The following IRAG1 variants were observed in gnomAD, a reference collection of about 807,000 sequenced individuals.
IRAG1 encodes the protein IP3R-associated cGMP kinase substrate.
A neutral mutation model predicts 106.2 loss-of-function variants in IRAG1; 62 were observed. The observed-to-expected ratio is 0.58, with a 90% CI of 0.48 to 0.72. IRAG1 has a LOEUF of 0.72. Among genes scored for constraint, IRAG1 ranks in the 30% least tolerant of loss-of-function variants. The probability of loss-of-function intolerance (pLI) is 0.00; values close to 1 mark genes in which losing one functional copy is unlikely to be tolerated. For missense variants in IRAG1, 1,064 were observed against 1,140.7 expected, an observed-to-expected ratio of 0.93 and a Z score of 0.97; for synonymous variants, 462 against 443.9, an observed-to-expected ratio of 1.04 and a Z score of -0.51.
chr11:10,667,917 T>TG (rs527546564), intron 1 of IRAG1, among the ~76,000 whole-genome samples: 92 of 152,344 alleles, frequency 6.0e-4, no homozygotes, highest in African/African-American at 2.0e-3. Flanking sequence ...CGTCCACAGA[T>TG]GAAGTCCAGT....
At position 10,693,546 on chromosome 11, in the gene IRAG1, G is replaced by A. The variant is rs764569810; in HGVS notation, c.57C>T (p.Asn19=). The A allele has an allele frequency of 7.8e-6, 12 of 1,535,474 alleles. No individual in the cohort carries two copies. The highest frequency in any genetic ancestry group is 5.9e-5 in the South Asian group (5 of 84,064). ...ERLARGGKEN[N]SVLACGAQAS... ...ATAGGGGAGGCTTACCTAAAACTGA[G>A]TTATTCTCCTTTCCTCCTCTGGCCA... Residue 19 remains asparagine (N), a synonymous_variant, in exon 1 of 21, where the codon AAC becomes AAT. Coordinates refer to ENST00000423302, the MANE Select transcript of IRAG1 (RefSeq NM_130385.4).
intron 2 of IRAG1, among the ~76,000 whole-genome samples, chr11:10,640,276 T>C (rs1857423546): frequency 6.6e-6 from 1 of 152,126 alleles, no homozygotes; most frequent in Non-Finnish European, 1.5e-5. Flanking sequence ...AAACAAGCCA[T>C]GGGTGGCAAG....
intron 1 of IRAG1, among the ~76,000 whole-genome samples, chr11:10,679,694 C>G (rs1340420150): frequency 6.6e-6 from 1 of 152,186 alleles, no homozygotes; most frequent in Non-Finnish European, 1.5e-5. Flanking sequence ...CCTGTGTCCA[C>G]CCAAGTAGGA....
In IRAG1 at chr11:10,628,679, T is replaced by C; in HGVS notation, c.652+72A>G. 2 of 1,265,286 alleles carry C rather than the reference T, an allele frequency of 1.6e-6. No homozygotes were observed. The highest frequency in any genetic ancestry group is 1.1e-6 in the Non-Finnish European group (1 of 933,804). 78.4% of individuals were successfully genotyped at this position (1,265,286 alleles called of 1,614,324 possible). ...GAAGCCTGCAGGCTGGGAGGCATGC[T>C]GATCTGTCCAGGCTGAGCTGCCACC... On this transcript the variant is annotated intron_variant, in intron 6 of 20. Transcript: ENST00000423302. This position sits in a 1 kb window ranked among gnomAD's most constrained non-coding sequence, Gnocchi z 4.1.
chr11:10,590,283 G>C, intron 18 of IRAG1, among the ~76,000 whole-genome samples: 1 of 152,174 alleles, frequency 6.6e-6, no homozygotes, highest in Non-Finnish European at 1.5e-5. Flanking sequence ...AAAAGACAGA[G>C]AGAGAGACCC....
intron 1 of IRAG1, among the ~76,000 whole-genome samples, chr11:10,689,413 G>A (rs1371834085): frequency 6.6e-6 from 1 of 152,178 alleles, no homozygotes; most frequent in African/African-American, 2.4e-5. Flanking sequence ...ACTTAAGAAG[G>A]AATAATGTTC....
intron 15 of IRAG1, among the ~76,000 whole-genome samples, chr11:10,597,428 C>G (rs1320206137): frequency 6.6e-6 from 1 of 152,308 alleles, no homozygotes; most frequent in East Asian, 1.9e-4. Flanking sequence ...TGGGCTCAAG[C>G]GATCCTCCCA....
intron 14 of IRAG1, among the ~76,000 whole-genome samples, chr11:10,601,866 A>G (rs1178887492): frequency 2.0e-5 from 3 of 152,204 alleles, no homozygotes; most frequent in African/African-American, 7.2e-5. Context: ...AGACTGAGAC[A>G]TAGCAGCCAA....
intron 14 of IRAG1, among the ~76,000 whole-genome samples, chr11:10,602,887 T>G (rs945707216): frequency 2.6e-5 from 4 of 152,174 alleles, no homozygotes; most frequent in African/African-American, 9.7e-5. Context: ...AGAAAGATAG[T>G]ATGCAGTAGT....
intron 1 of IRAG1, among the ~76,000 whole-genome samples, chr11:10,653,677 C>T (rs149546591): frequency 2.6e-5 from 4 of 152,258 alleles, no homozygotes; most frequent in Non-Finnish European, 5.9e-5. Context: ...CTTGTCAAAA[C>T]AGATAAGAAT....
rs758782592 is a variant in IRAG1 at position 10,629,645 on chromosome 11, T to C, written c.467A>G (p.Asp156Gly). The change falls in exon 5 of 21, where the codon GAC (aspartate) becomes GGC (glycine). Residue 156 changes from aspartate (D) to glycine (G), a missense_variant. Physicochemically the swap from Asp to Gly is moderately conservative, Grantham distance 94 (BLOSUM62 -1). Transcript: ENST00000423302. ...QLPDISISEE[D>G]KKKNLALLEE... Reference sequence around the variant, plus strand: ...CAGCAGCGCCAGGTTTTTCTTCTTGTCCTCCTCTGAGATGCTGATGTCTGG... The same window carrying C: ...CAGCAGCGCCAGGTTTTTCTTCTTGCCCTCCTCTGAGATGCTGATGTCTGG... 1 of 1,613,918 alleles carries C rather than the reference T, an allele frequency of 6.2e-7. No homozygotes were observed. Among genetic ancestry groups the C allele is most frequent in the South Asian group, 1.1e-5 (1 of 91,054 alleles).
intron 20 of IRAG1, 79 bp from the exon 21 acceptor site, chr11:10,576,654 G>A (rs986176745): frequency 2.0e-5 from 31 of 1,555,614 alleles, no homozygotes; most frequent in African/African-American, 1.2e-4. Flanking sequence ...TTCTCTCTGC[G>A]GATAGCTTCC....
rs755512597 is a variant in IRAG1, at chr11:10,591,637, A to C, written c.2176-25T>G. 14 of 1,570,934 alleles carry C rather than the reference A, an allele frequency of 8.9e-6. No individual in the cohort carries two copies. The Admixed American group carries it at 2.0e-4, about 23-fold the overall frequency. On this transcript the variant is annotated intron_variant, in intron 17 of 20. Transcript: ENST00000423302. ...ACTGAGTGAAAAACAGAAGACAGAG[A>C]ATTGAGGATGCGCTATGGAAGGAAG...
At chr11:10,677,521 C>T (rs1359583650) in intron 1 of IRAG1, among the ~76,000 whole-genome samples, 2 of 152,166 alleles carry the variant, frequency 1.3e-5, no homozygotes, top group African/African-American at 2.4e-5. Context: ...CTGACTACCC[C>T]GTCCCCTCCC....
chr11:10,651,989 A>G, intron 2 of IRAG1, 36 bp downstream of exon 2: 2 of 1,526,052 alleles, frequency 1.3e-6, no homozygotes, highest in Non-Finnish European at 1.8e-6. Context: ...CTTGGCCCCC[A>G]GCCAGGCTAG....
At chr11:10,658,777 GCTT>G (rs1859150486) in intron 1 of IRAG1, among the ~76,000 whole-genome samples, 1 of 149,918 alleles carries the variant, frequency 6.7e-6, no homozygotes, top group Non-Finnish European at 1.5e-5. Context: ...TCCGTGCTGT[GCTT>G]GCCCCGTGTC....
At chr11:10,690,530 T>G (rs1184262645) in intron 1 of IRAG1, among the ~76,000 whole-genome samples, 2 of 152,216 alleles carry the variant, frequency 1.3e-5, no homozygotes, top group Non-Finnish European at 2.9e-5. Context: ...GAGGCTGCCC[T>G]GGACTGTCGC....
chr11:10,676,618 T>C (rs1263040316), intron 1 of IRAG1, among the ~76,000 whole-genome samples: 1 of 152,166 alleles, frequency 6.6e-6, no homozygotes, highest in East Asian at 1.9e-4. Context: ...AAGGAGAGGC[T>C]GGGAACTGCA....
At chr11:10,646,638 G>A (rs189964869) in intron 2 of IRAG1, among the ~76,000 whole-genome samples, 46 of 152,166 alleles carry the variant, frequency 3.0e-4, no homozygotes, top group African/African-American at 1.0e-3. Context: ...TAAAAGTTAC[G>A]GGAGGGGAGG....
Sources: allele counts gnomAD v4.1 joint callset (sites outside exome capture counted in the v4.1 genomes callset), GRCh38; gene constraint gnomAD v4.1.1; non-coding constraint Gnocchi (gnomAD v3.1); transcripts MANE v1.5; gene names NCBI Gene and HGNC (gene_info 2026-07-23, HGNC 2026-07-21).